Variants in MAD1L1 observed in about 807,000 individuals in gnomAD.
MAD1L1 encodes mitotic spindle assembly checkpoint protein MAD1.
MAD1L1 carries 95 observed loss-of-function variants against 96.9 expected under a neutral mutation model. The observed-to-expected ratio is 0.98, with a 90% CI of 0.83 to 1.16. The LOEUF is 1.16. MAD1L1 is among the 50% of genes most tolerant of loss of function. The probability of loss-of-function intolerance (pLI) is 0.00; values close to 1 mark genes in which losing one functional copy is unlikely to be tolerated. For missense variants in MAD1L1, 1,007 were observed against 954.4 expected, an observed-to-expected ratio of 1.06 and a Z score of -0.73; for synonymous variants, 473 against 396.6, an observed-to-expected ratio of 1.19 and a Z score of -2.29.
At chr7:2,221,759 G>A (rs943452045) in intron 5 of MAD1L1, among the ~76,000 whole-genome samples, 4 of 152,184 alleles carry the variant, frequency 2.6e-5, no homozygotes, top group South Asian at 4.1e-4. Context: ...AAATCCAGAC[G>A]TGCCTCCTTA....
chr7:1,962,380 TC>T (rs1316654969), intron 15 of MAD1L1, among the ~76,000 whole-genome samples: 1 of 152,182 alleles, frequency 6.6e-6, no homozygotes, highest in African/African-American at 2.4e-5. Context: ...AATTACTCAG[TC>T]CGGGTATGTC....
chr7:2,126,332 C>T (rs538022774), intron 11 of MAD1L1, among the ~76,000 whole-genome samples: 2 of 152,150 alleles, frequency 1.3e-5, no homozygotes, highest in Non-Finnish European at 2.9e-5. Context: ...AGGGCAGCTT[C>T]GAATTCCATT....
chr7:2,125,078 G>A (rs1319548529), intron 11 of MAD1L1, among the ~76,000 whole-genome samples: 9 of 152,304 alleles, frequency 5.9e-5, no homozygotes, highest in East Asian at 5.8e-4. Context: ...TCCTCACAGC[G>A]ACCCCAGGAA....
chr7:1,893,462 A>G (rs1460539857), intron 18 of MAD1L1, among the ~76,000 whole-genome samples: 3 of 152,198 alleles, frequency 2.0e-5, no homozygotes, highest in Non-Finnish European at 4.4e-5. Flanking sequence ...AAAATAAATG[A>G]CATGGCCAGG....
At chr7:1,907,773 G>A (rs994025394) in intron 17 of MAD1L1, among the ~76,000 whole-genome samples, 12 of 152,232 alleles carry the variant, frequency 7.9e-5, no homozygotes, top group Admixed American at 2.0e-4. Flanking sequence ...TCCCTGTGTC[G>A]TCAACAACCA....
At position 2,103,145 on chromosome 7, in the gene MAD1L1, C is replaced by T. The variant is rs57407050; in HGVS notation, c.1074-33807G>A. Among the ~76,000 whole-genome samples, 382 of 152,308 alleles carry T rather than the reference C, an allele frequency of 2.5e-3. 1 individual carries two copies. Among genetic ancestry groups the T allele is most frequent in the African/African-American group, 7.7e-3 (320 of 41,570 alleles). ...CGCTTGCTGCTGCCTCTGCCTGGAA[C>T]GGGCTCTCTCCCCTGCCCCTGCACC... On this transcript the variant is annotated intron_variant, in intron 11 of 18. Coordinates refer to ENST00000265854, the MANE Select transcript of MAD1L1 (RefSeq NM_001013836.2). The surrounding 1 kb of genome is among the most constrained non-coding windows in gnomAD (Gnocchi z 4.3).
rs191586402 is a variant in MAD1L1 at position 1,971,550 on chromosome 7, T to C, written c.1505+8903A>G. ...TGATGTGTGTTTCACTTAAAATATA[T>C]ATTATATAAACGGAAAAATCATCAA... On this transcript the variant is annotated intron_variant, in intron 15 of 18. Coordinates refer to ENST00000265854, the MANE Select transcript of MAD1L1 (RefSeq NM_001013836.2). Among the ~76,000 whole-genome samples, 4 of 152,230 alleles carry C rather than the reference T, an allele frequency of 2.6e-5. No individual in the cohort carries two copies. In the East Asian group the frequency reaches 5.8e-4, roughly 22 times the overall value.
chr7:2,162,069 A>G lies in MAD1L1; in HGVS notation c.987-12831T>C, dbSNP rs866624843. 7.5e-3 allele frequency among the ~76,000 whole-genome samples: 1,126 copies of G among 149,396 alleles called. 15 individuals are homozygous for G. The highest frequency in any genetic ancestry group is 0.026 in the African/African-American group (1,053 of 40,134). ...AAGTGAGGAGCCCCTCTGCCCGGCCACCACCCCGTCTGGGAGGTGTATCCA... is the reference window on the plus strand; with the variant it reads ...AAGTGAGGAGCCCCTCTGCCCGGCCGCCACCCCGTCTGGGAGGTGTATCCA... On this transcript the variant is annotated intron_variant, in intron 10 of 18. Coordinates refer to ENST00000265854, the MANE Select transcript of MAD1L1 (RefSeq NM_001013836.2).
At chr7:2,132,501 C>G (rs531615258) in intron 11 of MAD1L1, among the ~76,000 whole-genome samples, 25 of 152,264 alleles carry the variant, frequency 1.6e-4, no homozygotes, top group African/African-American at 6.0e-4. Flanking sequence ...ACCATCACGG[C>G]CGCGTGAAGA....
At chr7:2,066,343 C>T (rs561825015) in intron 12 of MAD1L1, among the ~76,000 whole-genome samples, 15 of 152,370 alleles carry the variant, frequency 9.8e-5, no homozygotes, top group African/African-American at 3.6e-4. Context: ...GCAGCAGGCA[C>T]GCCGCTCCCT....
At chr7:2,063,058 G>A (rs1784731001) in intron 12 of MAD1L1, among the ~76,000 whole-genome samples, 1 of 152,106 alleles carries the variant, frequency 6.6e-6, no homozygotes, top group African/African-American at 2.4e-5. Flanking sequence ...GGAAGGGACT[G>A]CTCTACGTTT....
chr7:1,835,154 A>G (rs1200012429), intron 18 of MAD1L1, among the ~76,000 whole-genome samples: 1 of 152,212 alleles, frequency 6.6e-6, no homozygotes, highest in Admixed American at 6.5e-5. Context: ...CTAGGATTAG[A>G]AGAGAACTTC....
intron 17 of MAD1L1, among the ~76,000 whole-genome samples, chr7:1,920,375 G>C (rs115392507): frequency 1.3e-5 from 2 of 152,236 alleles, no homozygotes; most frequent in African/African-American, 4.8e-5. Flanking sequence ...GGAGGAGCAG[G>C]GGCAGAGAAA....
intron 10 of MAD1L1, among the ~76,000 whole-genome samples, chr7:2,183,694 T>C (rs1262484159): frequency 2.6e-5 from 4 of 151,790 alleles, no homozygotes; most frequent in Non-Finnish European, 5.9e-5. Flanking sequence ...TAGGTGGGAA[T>C]TGAACAATGA....
intron 18 of MAD1L1, among the ~76,000 whole-genome samples, chr7:1,826,705 G>A (rs1191726737): frequency 4.6e-5 from 7 of 152,260 alleles, no homozygotes; most frequent in African/African-American, 7.2e-5. Flanking sequence ...TGGACAGAAC[G>A]CCGAGAACAA....
intron 17 of MAD1L1, among the ~76,000 whole-genome samples, chr7:1,923,302 G>A (rs1788902382): frequency 6.6e-6 from 1 of 152,234 alleles, no homozygotes; most frequent in South Asian, 2.1e-4. Flanking sequence ...GTGCTACCCA[G>A]TCTGGACTTG....
At chr7:2,095,085 T>C (rs980692265) in intron 11 of MAD1L1, among the ~76,000 whole-genome samples, 12 of 152,148 alleles carry the variant, frequency 7.9e-5, no homozygotes, top group East Asian at 3.8e-4. Context: ...CTCTGTCGCC[T>C]AGGCTGGAGT....
At chr7:2,016,474 C>T (rs923907258) in intron 12 of MAD1L1, among the ~76,000 whole-genome samples, 3 of 152,190 alleles carry the variant, frequency 2.0e-5, no homozygotes, top group Non-Finnish European at 4.4e-5. Context: ...TGAGTCTGCA[C>T]GTACACAAGC....
At chr7:1,857,100 C>A (rs1784295501) in intron 18 of MAD1L1, among the ~76,000 whole-genome samples, 1 of 152,192 alleles carries the variant, frequency 6.6e-6, no homozygotes, top group Non-Finnish European at 1.5e-5. Context: ...AGGGTCTCCC[C>A]CTCGGTGCCC....
Sources: gnomAD v4.1 joint callset for allele counts (sites outside exome capture counted in the v4.1 genomes callset) on GRCh38, gnomAD v4.1.1 for gene constraint, Gnocchi (gnomAD v3.1) non-coding constraint, MANE v1.5 for transcripts, NCBI Gene and HGNC (gene_info 2026-07-23, HGNC 2026-07-21) for gene names.